ACACA: variants seen among roughly 807,000 people sequenced by gnomAD.
ACACA encodes the protein acetyl-CoA carboxylase 1.
In ACACA, 103 loss-of-function variants were observed where a neutral mutation model predicts 296.1. That is an observed-to-expected ratio of 0.35 (90% CI 0.30 to 0.41). The LOEUF (loss-of-function observed/expected upper bound fraction) is 0.41. Among genes scored for constraint, ACACA ranks in the 10% least tolerant of loss-of-function variants. The pLI, the probability that ACACA is intolerant of heterozygous loss-of-function variation, is 1.00. For missense variants in ACACA, 1,554 were observed against 2,989.7 expected, an observed-to-expected ratio of 0.52 and a Z score of 11.20; for synonymous variants, 953 against 1,038.6, an observed-to-expected ratio of 0.92 and a Z score of 1.58.
At chr17:37,249,307 C>A (rs1378969501) in intron 16 of ACACA, among the ~76,000 whole-genome samples, 1 of 152,184 alleles carries the variant, frequency 6.6e-6, no homozygotes, top group African/African-American at 2.4e-5. Flanking sequence ...TGTGAATAAT[C>A]CTCCTATGAA....
intron 1 of ACACA, among the ~76,000 whole-genome samples, chr17:37,404,570 ATTT>A (rs5820212): frequency 1.4e-4 from 15 of 104,732 alleles, no homozygotes; most frequent in Admixed American, 4.3e-4. Flanking sequence ...TGCCACAGTG[ATTT>A]TTTTTTTTTT....
intron 41 of ACACA, among the ~76,000 whole-genome samples, chr17:37,168,273 C>T (rs903511942): frequency 7.2e-5 from 11 of 151,804 alleles, no homozygotes; most frequent in South Asian, 4.1e-4. Flanking sequence ...AAGCACTTTG[C>T]GGGGTAAAAA....
At chr17:37,268,743 A>ATATATATATATATC (rs2081925741) in intron 10 of ACACA, among the ~76,000 whole-genome samples, 1 of 102,068 alleles carries the variant, frequency 9.8e-6, no homozygotes, top group Admixed American at 1.2e-4. Context: ...CTATCTATCT[A>ATATATATATATATC]TATATATATA....
At chr17:37,360,510 G>A (rs2049362568) in intron 1 of ACACA, 1 of 152,070 alleles carries the variant, frequency 6.6e-6, no homozygotes, top group South Asian at 2.1e-4. Context: ...AAATAATAGG[G>A]TCAAGCACAG....
intron 45 of ACACA, among the ~76,000 whole-genome samples, chr17:37,130,610 C>T (rs2075045299): frequency 6.6e-6 from 1 of 151,670 alleles, no homozygotes; most frequent in South Asian, 2.1e-4. Flanking sequence ...ACAAAAAATA[C>T]TTTTAACAAT....
At chr17:37,205,369 G>A (rs976508770) in intron 33 of ACACA, among the ~76,000 whole-genome samples, 5 of 152,118 alleles carry the variant, frequency 3.3e-5, no homozygotes, top group African/African-American at 1.2e-4. Context: ...ATTGAAAGGA[G>A]GATAGATGTA....
chr17:37,192,032 T>C, intron 37 of ACACA, 58 bp downstream of exon 37: 1 of 1,533,154 alleles, frequency 6.5e-7, no homozygotes, highest in Non-Finnish European at 9.0e-7. Context: ...TTTTGAATCA[T>C]ATCTATTATT....
In ACACA at chr17:37,248,522, T is replaced by C; in HGVS notation, c.2163+71A>G. 3.3e-6 allele frequency: 4 copies of C among 1,207,652 alleles called. No individual in the cohort carries two copies. In the South Asian group the frequency reaches 3.7e-5, roughly 11 times the overall value. 74.8% of individuals were successfully genotyped at this position (1,207,652 alleles called of 1,614,324 possible). A position where few individuals can be genotyped will look rare whatever the true frequency, so the allele number is the denominator to read the frequency against. ...CATCCCTGCATTAAATCAAACTTTT[T>C]CTCCTGCCTCTCAACCTAAAGAAAG... On this transcript the variant is annotated intron_variant, in intron 17 of 55. Transcript: ENST00000616317.
chr17:37,373,299 G>GA (rs2049873516), intron 1 of ACACA, among the ~76,000 whole-genome samples: 1 of 151,938 alleles, frequency 6.6e-6, no homozygotes, highest in Non-Finnish European at 1.5e-5. Flanking sequence ...TTAGGATGGA[G>GA]AGCAGTGGTG....
chr17:37,289,889 G>A (rs1275779453), intron 3 of ACACA, among the ~76,000 whole-genome samples: 4 of 152,102 alleles, frequency 2.6e-5, no homozygotes, highest in African/African-American at 7.2e-5. Context: ...CAATCACACT[G>A]GACTGTTACA....
At chr17:37,098,110 C>A in intron 52 of ACACA, 126 bp from the exon 53 acceptor site, 2 of 1,185,050 alleles carry the variant, frequency 1.7e-6, no homozygotes, top group South Asian at 2.5e-5. Context: ...CCTGGCTCTC[C>A]GTTGTCTTCT....
intron 3 of ACACA, chr17:37,301,354 T>G: frequency 1.0e-6 from 1 of 984,954 alleles, no homozygotes. Context: ...TAATCTACCA[T>G]GAACAGTGTC....
chr17:37,150,412 C>T (rs867622446), intron 44 of ACACA, among the ~76,000 whole-genome samples: 3 of 151,958 alleles, frequency 2.0e-5, no homozygotes, highest in East Asian at 1.9e-4. Context: ...CGTCATGGCA[C>T]GTGCCTGTAA....
chr17:37,277,018 GT>G lies in ACACA; in HGVS notation c.802+14del. 1.2e-6 allele frequency: 2 copies of G among 1,607,692 alleles called. No individual in the cohort carries two copies. Among genetic ancestry groups the G allele is most frequent in the Non-Finnish European group, 1.7e-6 (2 of 1,174,116 alleles). ...AAAGAAACAGAAAGACGGACAATAT[GT>G]CAGAACAGCTTACCCATGAAGGCAA... On this transcript the variant is annotated intron_variant, in intron 7 of 55. Coordinates refer to ENST00000616317, the MANE Select transcript of ACACA (RefSeq NM_198834.3).
chr17:37,378,172 AT>A (rs1409682244), intron 1 of ACACA, among the ~76,000 whole-genome samples: 2 of 152,168 alleles, frequency 1.3e-5, no homozygotes, highest in African/African-American at 4.8e-5. Flanking sequence ...ATGGATGGAG[AT>A]GAAAAAAGAG....
At chr17:37,201,387 T>C (rs933035081) in intron 33 of ACACA, among the ~76,000 whole-genome samples, 4 of 151,882 alleles carry the variant, frequency 2.6e-5, no homozygotes, top group African/African-American at 7.3e-5. Context: ...GTTGCCGAGA[T>C]TGCATCACTG....
chr17:37,333,450 AC>A (rs1276957921), intron 2 of ACACA, among the ~76,000 whole-genome samples: 6 of 152,036 alleles, frequency 3.9e-5, no homozygotes, highest in Admixed American at 3.3e-4. Flanking sequence ...ATAGAAGGAC[AC>A]CTAGTATGGG....
intron 41 of ACACA, among the ~76,000 whole-genome samples, chr17:37,172,173 T>C (rs1332832871): frequency 6.6e-6 from 1 of 152,204 alleles, no homozygotes; most frequent in African/African-American, 2.4e-5. Flanking sequence ...GCAAGTACAT[T>C]CTTTTGTTTG....
At chr17:37,379,365 C>T (rs545073498) in intron 1 of ACACA, 1 of 1,613,910 alleles carries the variant, frequency 6.2e-7, no homozygotes, top group African/African-American at 1.3e-5. Context: ...CAGACTGGAT[C>T]TCTTCTAAAA....
Sources: gnomAD v4.1 joint callset for allele counts (sites outside exome capture counted in the v4.1 genomes callset) on GRCh38, gnomAD v4.1.1 for gene constraint, MANE v1.5 for transcripts, NCBI Gene and HGNC (gene_info 2026-07-23, HGNC 2026-07-21) for gene names.